UPF2: variants seen among roughly 807,000 people sequenced by gnomAD.
UPF2 encodes regulator of nonsense transcripts 2.
Under a neutral mutation model 141.4 loss-of-function variants are expected in UPF2, and 17 were observed. The observed-to-expected ratio is 0.12, with a 90% CI of 0.08 to 0.18. UPF2 has a LOEUF of 0.18. UPF2 is among the 10% of genes least tolerant of loss of function. The pLI, the probability that UPF2 is intolerant of heterozygous loss-of-function variation, is 1.00. For synonymous variants in UPF2, 540 were observed against 498.0 expected (o/e 1.08, Z -1.12); for missense variants, 1,152 against 1,515.9 (o/e 0.76, Z 3.99).
intron 19 of UPF2, among the ~76,000 whole-genome samples, chr10:11,934,571 C>A (rs931909407): frequency 6.6e-6 from 1 of 152,194 alleles, no homozygotes; most frequent in Non-Finnish European, 1.5e-5. Context: ...GCCAGCTCCA[C>A]ACTCCATGAT....
At chr10:12,032,738 A>T (rs867917801) in intron 2 of UPF2, among the ~76,000 whole-genome samples, 2 of 140,430 alleles carry the variant, frequency 1.4e-5, no homozygotes, top group South Asian at 4.5e-4. Context: ...ACCCTGTCTC[A>T]AAAAAAAAAA....
chr10:11,986,839 T>A (rs1833699837), intron 8 of UPF2, among the ~76,000 whole-genome samples: 1 of 152,120 alleles, frequency 6.6e-6, no homozygotes, highest in Non-Finnish European at 1.5e-5. Context: ...CTCTCACAGT[T>A]CCAAATTGAG....
chr10:12,041,783 A>C (rs1834738265), intron 1 of UPF2, among the ~76,000 whole-genome samples: 1 of 152,216 alleles, frequency 6.6e-6, no homozygotes, highest in Non-Finnish European at 1.5e-5. Context: ...CAGCTCACAA[A>C]TGAGGAGACT....
chr10:12,031,294 G>T (rs960197198), intron 2 of UPF2, among the ~76,000 whole-genome samples: 6 of 151,868 alleles, frequency 4.0e-5, no homozygotes, highest in Non-Finnish European at 7.4e-5. Context: ...AAATTCAAGT[G>T]ATTTAGAAAA....
chr10:11,944,399 C>T (rs1330090351), intron 16 of UPF2, among the ~76,000 whole-genome samples: 1 of 152,102 alleles, frequency 6.6e-6, no homozygotes, highest in Non-Finnish European at 1.5e-5. Context: ...GAGTCTGAGG[C>T]AGGAGAATCA....
intron 8 of UPF2, among the ~76,000 whole-genome samples, chr10:11,985,884 CTTTT>C: frequency 9.9e-6 from 1 of 100,736 alleles, no homozygotes; most frequent in Non-Finnish European, 1.8e-5. Context: ...TAGATCCTTC[CTTTT>C]TTTTTTTTTT....
chr10:11,930,126 T>C (rs1832765178), intron 20 of UPF2, 141 bp from the exon 21 acceptor site: 1 of 1,171,086 alleles, frequency 8.5e-7, no homozygotes, highest in Non-Finnish European at 1.2e-6. Flanking sequence ...TTATACAGAC[T>C]AAAATGATTA....
At chr10:11,981,463 C>A (rs761196720) in intron 8 of UPF2, among the ~76,000 whole-genome samples, 1 of 151,904 alleles carries the variant, frequency 6.6e-6, no homozygotes. Context: ...GTAGTATTAC[C>A]GCAATAATTT....
At chr10:11,938,881 T>TTTTTTTG (rs1832899958) in intron 18 of UPF2, among the ~76,000 whole-genome samples, 1 of 116,516 alleles carries the variant, frequency 8.6e-6, no homozygotes, top group Non-Finnish European at 1.7e-5. Context: ...TTTTTTTTTT[T>TTTTTTTG]TGGAGACGGA....
chr10:11,991,539 T>A (rs1398136850), intron 8 of UPF2, among the ~76,000 whole-genome samples: 1 of 152,150 alleles, frequency 6.6e-6, no homozygotes, highest in African/African-American at 2.4e-5. Flanking sequence ...AAGAACTATT[T>A]ATCCTAGGAA....
chr10:11,951,952 C>T, intron 15 of UPF2, 114 bp downstream of exon 15: 1 of 1,131,938 alleles, frequency 8.8e-7, no homozygotes, highest in Non-Finnish European at 1.3e-6. Flanking sequence ...TAACACTCAA[C>T]ACCGAAAATA....
chr10:11,981,972 C>T (rs894057303), intron 8 of UPF2, among the ~76,000 whole-genome samples: 13 of 152,058 alleles, frequency 8.5e-5, no homozygotes, highest in Non-Finnish European at 4.4e-5. Flanking sequence ...GTGTGCGCCA[C>T]TGCGCCCAGC....
Position 12,014,248 on chromosome 10 carries a change from A to G in UPF2, c.1146-64T>C, listed in dbSNP as rs574433674. 3 of 1,287,220 alleles carry G rather than the reference A, an allele frequency of 2.3e-6. No homozygotes were observed. The highest frequency in any genetic ancestry group is 2.8e-5 in the East Asian group (1 of 35,454). 79.7% of individuals were successfully genotyped at this position (1,287,220 alleles called of 1,614,324 possible). On this transcript the variant is annotated intron_variant, in intron 3 of 21. Transcript: ENST00000357604. This position sits in a 1 kb window ranked among gnomAD's most constrained non-coding sequence, Gnocchi z 5.0. ...TAGATGTGATCACAAATTGTTATAT[A>G]TGGGAAACATTCCATAATTTGATTT...
At chr10:11,938,436 G>C (rs1318482431) in intron 18 of UPF2, among the ~76,000 whole-genome samples, 2 of 151,946 alleles carry the variant, frequency 1.3e-5, no homozygotes, top group East Asian at 3.9e-4. Flanking sequence ...AAGCCCATTC[G>C]ACAGGTTTAC....
rs1005446620 is a variant in UPF2, at chr10:12,020,668, T to C, written c.1146-6484A>G. 6.6e-5 allele frequency among the ~76,000 whole-genome samples: 10 copies of C among 152,334 alleles called. No individual in the cohort carries two copies. The East Asian group carries it at 1.7e-3, about 26-fold the overall frequency. On this transcript the variant is annotated intron_variant, in intron 3 of 21. Coordinates refer to ENST00000357604, the MANE Select transcript of UPF2 (RefSeq NM_015542.4). ...AATACTTACAATGTGCCAGACACTGTTATTAAGTGCTTTTACACATATGAA... is the reference window on the plus strand; with the variant it reads ...AATACTTACAATGTGCCAGACACTGCTATTAAGTGCTTTTACACATATGAA...
chr10:11,983,395 T>TG (rs2131235128), intron 8 of UPF2, among the ~76,000 whole-genome samples: 1 of 152,188 alleles, frequency 6.6e-6, no homozygotes, highest in South Asian at 2.1e-4. Flanking sequence ...TTTTTTTAGA[T>TG]GGAGTCTCGC....
rs869201076 is a variant in UPF2, at chr10:11,952,469, C to CTTT, written c.2851-223_2851-221dup. ...GCTATTTGGTGAATTTACTAAATAT[C>CTTT]TTTTTTTTTTTTTTTTTTTTTTTGA... is the stretch of plus-strand genomic sequence containing the variant. On this transcript the variant is annotated intron_variant, in intron 14 of 21. Transcript: ENST00000357604. 4.8e-3 allele frequency among the ~76,000 whole-genome samples: 471 copies of CTTT among 97,732 alleles called. 12 individuals are homozygous for CTTT. The highest frequency in any genetic ancestry group is 0.018 in the East Asian group (50 of 2,840). The allele number at this position is 97,732 out of a possible 152,430, so 64.1% of individuals were successfully genotyped here. A position where few individuals can be genotyped will look rare whatever the true frequency, so the allele number is the denominator to read the frequency against.
chr10:12,008,192 CA>C (rs1210319075), intron 4 of UPF2, among the ~76,000 whole-genome samples: 2 of 151,722 alleles, frequency 1.3e-5, no homozygotes, highest in East Asian at 3.9e-4. Flanking sequence ...GGAAAAAGGA[CA>C]GGGGGTGGGG....
Position 12,029,110 on chromosome 10 carries a change from G to A in UPF2, c.780C>T (p.Thr260=). Residue 260 remains threonine, a synonymous_variant, in exon 3 of 22, where the codon ACC becomes ACT. Coordinates refer to ENST00000357604, the MANE Select transcript of UPF2 (RefSeq NM_015542.4). ...TAAAACGCAAATCAGTTCTTAACTT[G>A]GTGATGTTAGGTGTTTTCTCCTCTT... The part of the protein sequence containing the change: ...ARKEEKTPNI[T]KLRTDLRFIA... 5 of 1,614,206 alleles carry A rather than the reference G, an allele frequency of 3.1e-6. No homozygotes were observed. The highest frequency in any genetic ancestry group is 1.1e-5 in the South Asian group (1 of 91,082).
Sources: allele counts gnomAD v4.1 joint callset (sites outside exome capture counted in the v4.1 genomes callset), GRCh38; gene constraint gnomAD v4.1.1; non-coding constraint Gnocchi (gnomAD v3.1); transcripts MANE v1.5; gene names NCBI Gene and HGNC (gene_info 2026-07-23, HGNC 2026-07-21).